The following ERCC6L2 variants were observed in gnomAD, a reference collection of about 807,000 sequenced individuals.
The protein encoded by ERCC6L2 is ERCC excision repair 6 like 2.
ERCC6L2 carries 77 observed loss-of-function variants against 132.0 expected under a neutral mutation model. That is an observed-to-expected ratio of 0.58 (90% CI 0.49 to 0.71). The LOEUF (loss-of-function observed/expected upper bound fraction) is 0.71, where lower values mean the gene tolerates loss of function less well. Among genes scored for constraint, ERCC6L2 ranks in the 30% least tolerant of loss-of-function variants. ERCC6L2 has a pLI of 0.00. For synonymous variants in ERCC6L2, 583 were observed against 632.4 expected, an observed-to-expected ratio of 0.92 and a Z score of 1.17; for missense variants, 1,542 against 1,837.6, an observed-to-expected ratio of 0.84 and a Z score of 2.94.
chr9:95,913,669 C>G (rs1829448025), intron 4 of ERCC6L2, among the ~76,000 whole-genome samples: 1 of 152,210 alleles, frequency 6.6e-6, no homozygotes, highest in African/African-American at 2.4e-5. Context: ...GTCCCTGCTT[C>G]CATCTCCAGT....
intron 12 of ERCC6L2, among the ~76,000 whole-genome samples, chr9:95,947,455 A>G (rs888268431): frequency 7.2e-5 from 11 of 152,242 alleles, no homozygotes; most frequent in African/African-American, 2.7e-4. Flanking sequence ...AGCCACCTCC[A>G]TAACAAAAAA....
At chr9:96,007,059 G>A (rs554947523) in intron 18 of ERCC6L2, among the ~76,000 whole-genome samples, 16 of 152,318 alleles carry the variant, frequency 1.1e-4, no homozygotes, top group African/African-American at 3.6e-4. Context: ...GCTGAAGAAT[G>A]TTTGTAAAGG....
Position 95,972,333 on chromosome 9 carries a change from A to G in ERCC6L2, c.2582A>G (p.His861Arg). The G allele has an allele frequency of 7.8e-7, 1 of 1,289,950 alleles. No individual in the cohort carries two copies. The highest frequency in any genetic ancestry group is 1.0e-6 in the Non-Finnish European group (1 of 985,292). The allele number at this position is 1,289,950 out of a possible 1,614,324, so 79.9% of individuals were successfully genotyped here. A position where few individuals can be genotyped will look rare whatever the true frequency, so the allele number is the denominator to read the frequency against. Residue 861 changes from histidine to arginine, a missense_variant, in exon 16 of 19, where the codon CAT becomes CGT. His to Arg is a conservative substitution (Grantham distance 29, BLOSUM62 0). Around this residue, in one of 4 missense-constraint regions of ERCC6L2, gnomAD observed 945 missense variants for 1,105.2 expected, o/e 0.86. Transcript: ENST00000653738. ...LDNILNPKEKHIFYKSEKILE... is the reference protein window; with the variant it reads ...LDNILNPKEKRIFYKSEKILE... ...AACATCCTAAATCCAAAAGAAAAGC[A>G]TATTTTTTATAAAAGTGAGAAGATT...
intron 6 of ERCC6L2, among the ~76,000 whole-genome samples, chr9:95,919,781 TA>T (rs1326939992): frequency 6.6e-6 from 1 of 152,168 alleles, no homozygotes; most frequent in Non-Finnish European, 1.5e-5. Context: ...GCCAATCAAA[TA>T]AATCATGAGA....
At chr9:96,026,039 C>A (rs1834355583) in intron 19 of ERCC6L2, 1 of 152,534 alleles carries the variant, frequency 6.6e-6, no homozygotes, top group Non-Finnish European at 1.5e-5. Flanking sequence ...AACCGAGGTC[C>A]TGGAAGCTGG....
rs776809230 is a variant in ERCC6L2 at position 95,916,330 on chromosome 9, A to G, written c.1054A>G (p.Thr352Ala). Reference sequence around the variant, plus strand: ...CACGGCAACAAAGAGAGAACTAGCCACTGGCCGAAAGGCCATGCAAAGACT... The same window carrying G: ...CACGGCAACAAAGAGAGAACTAGCCGCTGGCCGAAAGGCCATGCAAAGACT... ...RHTATKRELA[T>A]GRKAMQRLAK... The change falls in exon 6 of 19, where the codon ACT becomes GCT. Residue 352 changes from threonine to alanine, a missense_variant. Physicochemically the swap from Thr to Ala is moderately conservative, Grantham distance 58. Transcript: ENST00000653738. 1.2e-6 allele frequency: 2 copies of G among 1,614,006 alleles called. No individual in the cohort carries two copies. Among genetic ancestry groups the G allele is most frequent in the African/African-American group, 1.3e-5 (1 of 75,062 alleles).
intron 16 of ERCC6L2, among the ~76,000 whole-genome samples, chr9:95,975,149 A>T (rs141098344): frequency 2.6e-4 from 40 of 152,252 alleles, no homozygotes; most frequent in African/African-American, 9.4e-4. Context: ...ATTGTCAAAG[A>T]TACATTGCAT....
chr9:95,970,504 CTGT>C, intron 14 of ERCC6L2, 69 bp from the exon 15 acceptor site: 3 of 853,532 alleles, frequency 3.5e-6, no homozygotes, highest in South Asian at 3.7e-5. Flanking sequence ...GCATGCATTG[CTGT>C]TGTTTATCTG....
chr9:95,922,344 A>G lies in ERCC6L2; in HGVS notation c.1339A>G (p.Ser447Gly). Residue 447 changes from serine to glycine, a missense_variant, in exon 8 of 19, where the codon AGT (serine) becomes GGT (glycine). By Grantham distance (56) the Ser-to-Gly change is moderately conservative. Coordinates refer to ENST00000653738, the MANE Select transcript of ERCC6L2 (RefSeq NM_020207.7). ...TGAAACAGTGAAAACCTTGTATCTC[A>G]GTTACCTTACAGTCCTTCAGAAGGT... ...HGETVKTLYL[S>G]YLTVLQKVAN... The G allele has an allele frequency of 6.2e-7, 1 of 1,613,222 alleles. No homozygotes were observed. The highest frequency in any genetic ancestry group is 8.5e-7 in the Non-Finnish European group (1 of 1,179,360).
intron 13 of ERCC6L2, 121 bp from the exon 14 acceptor site, chr9:95,966,441 C>A: frequency 1.2e-6 from 1 of 842,888 alleles, no homozygotes; most frequent in South Asian, 4.8e-5. Context: ...AACAAAATTT[C>A]CTCCCTAAGG....
chr9:95,991,113 C>G (rs773845337), intron 17 of ERCC6L2, among the ~76,000 whole-genome samples: 9 of 151,840 alleles, frequency 5.9e-5, no homozygotes, highest in Non-Finnish European at 1.3e-4. Flanking sequence ...CCAGCTAAGT[C>G]TTTTATGGGC....
intron 20 of ERCC6L2, among the ~76,000 whole-genome samples, chr9:96,040,550 C>T (rs1413832390): frequency 6.6e-6 from 1 of 152,142 alleles, no homozygotes; most frequent in African/African-American, 2.4e-5. Flanking sequence ...TGGGATCTGT[C>T]CCTATGTGCT....
At chr9:95,940,340 G>GATATAT (rs146598620) in intron 11 of ERCC6L2, among the ~76,000 whole-genome samples, 2 of 151,482 alleles carry the variant, frequency 1.3e-5, no homozygotes, top group African/African-American at 4.9e-5. Context: ...CTTTTCTTGG[G>GATATAT]ATATATATAT....
chr9:95,958,650 C>T (rs1831738568), intron 13 of ERCC6L2, among the ~76,000 whole-genome samples: 1 of 152,034 alleles, frequency 6.6e-6, no homozygotes, highest in Non-Finnish European at 1.5e-5. Flanking sequence ...GCAAAAATCT[C>T]CTTAAGCTGA....
At chr9:95,965,186 T>G (rs1358809771) in intron 13 of ERCC6L2, among the ~76,000 whole-genome samples, 4 of 152,084 alleles carry the variant, frequency 2.6e-5, no homozygotes, top group African/African-American at 9.7e-5. Context: ...AAGTGAGAAA[T>G]TAGTTAATAG....
At position 95,907,071 on chromosome 9, in the gene ERCC6L2, G is replaced by A. The variant is rs755232199; in HGVS notation, c.595-7G>A. 5.4e-5 allele frequency: 86 copies of A among 1,582,164 alleles called. No individual in the cohort carries two copies. The highest frequency in any genetic ancestry group is 1.8e-4 in the South Asian group (15 of 84,676). On this transcript the variant is annotated splice_polypyrimidine_tract_variant and splice_region_variant and intron_variant, in intron 3 of 18. Transcript: ENST00000653738. ...AAAACAGCAAAATTTTTTTATTCTT[G>A]TTTTAGATGTTCTTAATAGTTGCTC... is the stretch of plus-strand genomic sequence containing the variant.
At chr9:95,956,944 A>G (rs1831634652) in intron 13 of ERCC6L2, among the ~76,000 whole-genome samples, 1 of 152,144 alleles carries the variant, frequency 6.6e-6, no homozygotes, top group Admixed American at 6.6e-5. Context: ...CCATCACATG[A>G]AGATTAGGGA....
At chr9:95,892,027 C>T (rs933129109) in intron 2 of ERCC6L2, among the ~76,000 whole-genome samples, 2 of 152,020 alleles carry the variant, frequency 1.3e-5, no homozygotes, top group African/African-American at 2.4e-5. Context: ...CTTTGATGCA[C>T]GAAAGTTAAG....
chr9:95,978,252 C>G (rs529906650), intron 17 of ERCC6L2, 37 bp downstream of exon 17: 1 of 1,282,980 alleles, frequency 7.8e-7, no homozygotes, highest in African/African-American at 1.5e-5. Context: ...CTTTAGTTAC[C>G]TCATTTTTCA....
Sources: gnomAD v4.1 joint callset for allele counts (sites outside exome capture counted in the v4.1 genomes callset) on GRCh38, gnomAD v4.1.1 for gene constraint, gnomAD v4.1.1 regional missense constraint, MANE v1.5 for transcripts, NCBI Gene and HGNC (gene_info 2026-07-23, HGNC 2026-07-21) for gene names.